GRM4: variants seen among roughly 807,000 people sequenced by gnomAD.
GRM4 encodes metabotropic glutamate receptor 4.
Under a neutral mutation model 81.7 loss-of-function variants are expected in GRM4, and 28 were observed. That is an observed-to-expected ratio of 0.34 (90% CI 0.25 to 0.47). The LOEUF (loss-of-function observed/expected upper bound fraction) is 0.47, where lower values mean the gene tolerates loss of function less well. Among genes scored for constraint, GRM4 ranks in the 20% least tolerant of loss-of-function variants. The pLI is 1.00. For synonymous variants in GRM4, 488 were observed against 528.8 expected, an observed-to-expected ratio of 0.92 and a Z score of 1.06; for missense variants, 948 against 1,290.0, an observed-to-expected ratio of 0.73 and a Z score of 4.06.
In GRM4 at chr6:34,092,812, C is replaced by G. The variant is rs1768311003; in HGVS notation, c.520-713G>C. On this transcript the variant is annotated intron_variant, in intron 2 of 10. Coordinates refer to ENST00000538487, the MANE Select transcript of GRM4 (RefSeq NM_000841.4). The surrounding 1 kb of genome is among the most constrained non-coding windows in gnomAD (Gnocchi z 6.8). Reference sequence around the variant, plus strand: ...CCGGGGCTTTCCAGTCACGGGGCATCTTCCCGCCTCCACAGGCCCCACCTG... The same window carrying G: ...CCGGGGCTTTCCAGTCACGGGGCATGTTCCCGCCTCCACAGGCCCCACCTG... Among the ~76,000 whole-genome samples the G allele has an allele frequency of 6.6e-6, 1 of 152,016 alleles. No homozygotes were observed. The highest frequency in any genetic ancestry group is 2.1e-4 in the South Asian group (1 of 4,820).
In GRM4 at chr6:34,059,089, G is replaced by A. The variant is rs375240197; in HGVS notation, c.912C>T (p.Gly304=). 1 of 1,613,694 alleles carries A rather than the reference G, an allele frequency of 6.2e-7. No individual in the cohort carries two copies. Among genetic ancestry groups the A allele is most frequent in the African/African-American group, 1.3e-5 (1 of 74,884 alleles). ...TGTCAGAGCCCATCCAGAAGAAATGGCCTGTCTGGTTGGCCCTTCGTGCTG... is the reference window on the plus strand; with the variant it reads ...TGTCAGAGCCCATCCAGAAGAAATGACCTGTCTGGTTGGCCCTTCGTGCTG... ...LEAARRANQT[G]HFFWMGSDSW... The change falls in exon 5 of 11, where the codon GGC becomes GGT. Residue 304 remains glycine (G), a synonymous_variant. Coordinates refer to ENST00000538487, the MANE Select transcript of GRM4 (RefSeq NM_000841.4). The surrounding 1 kb of genome is among the most constrained non-coding windows in gnomAD (Gnocchi z 5.7).
chr6:34,050,431 T>A (rs530396445), intron 6 of GRM4, among the ~76,000 whole-genome samples: 1 of 152,208 alleles, frequency 6.6e-6, no homozygotes, highest in East Asian at 1.9e-4. Context: ...GAGTTCTCAC[T>A]CTATTAGTTA....
In GRM4 at chr6:34,092,599, T is replaced by C. The variant is rs1768294206; in HGVS notation, c.520-500A>G. 6.6e-6 allele frequency among the ~76,000 whole-genome samples: 1 copy of C among 152,058 alleles called. No individual in the cohort carries two copies. The highest frequency in any genetic ancestry group is 6.5e-5 in the Admixed American group (1 of 15,280). On this transcript the variant is annotated intron_variant, in intron 2 of 10. Transcript: ENST00000538487. This position sits in a 1 kb window ranked among gnomAD's most constrained non-coding sequence, Gnocchi z 6.8. ...TTCCTCGTGCCCTGCTCAGAGGAGA[T>C]GGAGCCTCGATTCCAGCTCCCCTGT...
chr6:34,072,155 C>CACACCACACAGAT (rs1766933986), intron 3 of GRM4, among the ~76,000 whole-genome samples: 1 of 151,878 alleles, frequency 6.6e-6, no homozygotes, highest in South Asian at 2.1e-4. Context: ...ATACACACCA[C>CACACCACACAGAT]ACACACCCAT....
intron 9 of GRM4, among the ~76,000 whole-genome samples, chr6:34,030,057 G>C (rs1005106336): frequency 6.6e-6 from 1 of 152,250 alleles, no homozygotes; most frequent in Non-Finnish European, 1.5e-5. Context: ...TGGAGGGAAA[G>C]GTCATGACCA....
At chr6:34,101,647 G>A (rs1768844521) in intron 2 of GRM4, among the ~76,000 whole-genome samples, 1 of 152,194 alleles carries the variant, frequency 6.6e-6, no homozygotes, top group Non-Finnish European at 1.5e-5. Flanking sequence ...CTCCACTCCT[G>A]GCTGTCAAAC....
At chr6:34,026,454 C>T (rs1267111697) in intron 10 of GRM4, among the ~76,000 whole-genome samples, 1 of 152,126 alleles carries the variant, frequency 6.6e-6, no homozygotes, top group Non-Finnish European at 1.5e-5. Flanking sequence ...GATGCCAAGG[C>T]CTGCAGGGGG....
chr6:34,134,675 C>T (rs936271560), intron 1 of GRM4, among the ~76,000 whole-genome samples: 9 of 151,024 alleles, frequency 6.0e-5, no homozygotes, highest in Admixed American at 5.9e-4. Flanking sequence ...CTCCCTCCCT[C>T]CCTCCCTCCC....
In GRM4 at chr6:34,069,209, C is replaced by G. The variant is rs950289570; in HGVS notation, c.737-7181G>C. ...ACACACACACACACACACACACGCA[C>G]GCACACACGGCTCCTTCCTTCTGAC... On this transcript the variant is annotated intron_variant, in intron 3 of 10. Transcript: ENST00000538487. This position sits in a 1 kb window ranked among gnomAD's most constrained non-coding sequence, Gnocchi z 6.4. Among the ~76,000 whole-genome samples, 1 of 151,462 alleles carries G rather than the reference C, an allele frequency of 6.6e-6. No homozygotes were observed. The highest frequency in any genetic ancestry group is 1.9e-4 in the East Asian group (1 of 5,152).
At position 34,133,243 on chromosome 6, in the gene GRM4, G is replaced by A. The variant is rs1341232791; in HGVS notation, c.254C>T (p.Ala85Val). ...CGGGTCGTTGTTGATGCGATCCAGGGCGAACAGCATGGCCTCCAGCCGGTG... is the reference window on the plus strand; with the variant it reads ...CGGGTCGTTGTTGATGCGATCCAGGACGAACAGCATGGCCTCCAGCCGGTG... The part of the protein sequence containing the change: ...GIHRLEAMLF[A>V]LDRINNDPDL... The change falls in exon 2 of 11, where the codon GCC becomes GTC. Residue 85 changes from alanine to valine, a missense_variant. Coordinates refer to ENST00000538487, the MANE Select transcript of GRM4 (RefSeq NM_000841.4). This position sits in a 1 kb window ranked among gnomAD's most constrained non-coding sequence, Gnocchi z 6.5. 6.2e-7 allele frequency: 1 copy of A among 1,614,102 alleles called. No homozygotes were observed. Among genetic ancestry groups the A allele is most frequent in the Non-Finnish European group, 8.5e-7 (1 of 1,180,032 alleles).
At chr6:34,151,145 A>G (rs1771036414) in intron 1 of GRM4, among the ~76,000 whole-genome samples, 1 of 152,248 alleles carries the variant, frequency 6.6e-6, no homozygotes, top group African/African-American at 2.4e-5. Flanking sequence ...AGTAGGATTT[A>G]GAAGAGCCGA....
intron 6 of GRM4, among the ~76,000 whole-genome samples, chr6:34,053,252 G>A (rs1765698360): frequency 6.6e-6 from 1 of 152,144 alleles, no homozygotes; most frequent in African/African-American, 2.4e-5. Context: ...TCAGACCCAG[G>A]GGTGGGTCCT....
In GRM4 at chr6:34,080,343, T is replaced by A. The variant is rs976970907; in HGVS notation, c.736+11540A>T. Among the ~76,000 whole-genome samples, 23 of 152,194 alleles carry A rather than the reference T, an allele frequency of 1.5e-4. No individual in the cohort carries two copies. The highest frequency in any genetic ancestry group is 5.3e-4 in the African/African-American group (22 of 41,442). On this transcript the variant is annotated intron_variant, in intron 3 of 10. Transcript: ENST00000538487. The surrounding 1 kb of genome is among the most constrained non-coding windows in gnomAD (Gnocchi z 5.4). ...AGCAGCATCTTTCACAGCTGGTATC[T>A]CAAATTATAATTATACAGTGATGTG...
At chr6:34,056,726 C>T in intron 5 of GRM4, 42 bp from the exon 6 acceptor site, 1 of 1,590,712 alleles carries the variant, frequency 6.3e-7, no homozygotes, top group Non-Finnish European at 8.6e-7. Flanking sequence ...TGGCCTTCTT[C>T]CCCACCAGCC....
intron 6 of GRM4, among the ~76,000 whole-genome samples, chr6:34,049,863 G>T (rs1045841886): frequency 6.6e-6 from 1 of 152,022 alleles, no homozygotes; most frequent in African/African-American, 2.4e-5. Context: ...TCCCCACCTG[G>T]ATTACAGCAC....
At chr6:34,151,376 T>C (rs921567729) in intron 1 of GRM4, among the ~76,000 whole-genome samples, 2 of 152,232 alleles carry the variant, frequency 1.3e-5, no homozygotes, top group African/African-American at 4.8e-5. Flanking sequence ...TCCAGCCTCT[T>C]TGCCTCGCTG....
intron 1 of GRM4, among the ~76,000 whole-genome samples, chr6:34,153,739 A>G (rs1043250578): frequency 1.3e-5 from 2 of 152,128 alleles, no homozygotes; most frequent in Non-Finnish European, 2.9e-5. Context: ...TACAAAAGTT[A>G]GCCAGGTGTG....
intron 10 of GRM4, among the ~76,000 whole-genome samples, chr6:34,026,895 G>A (rs1764160368): frequency 6.6e-6 from 1 of 152,230 alleles, no homozygotes; most frequent in Admixed American, 6.5e-5. Flanking sequence ...GGTCTGGATG[G>A]AACAGGACCT....
chr6:34,133,366 C>A lies in GRM4; in HGVS notation c.131G>T (p.Arg44Leu). The A allele has an allele frequency of 6.2e-7, 1 of 1,613,966 alleles. No individual in the cohort carries two copies. Among genetic ancestry groups the A allele is most frequent in the Non-Finnish European group, 8.5e-7 (1 of 1,179,968 alleles). ...TCCCAGTGTGATGTCCCCATCTATG[C>A]GGATGGAATTCATGTGAGGGTGGCC... ...PKGHPHMNSI[R>L]IDGDITLGGL... is the part of the protein sequence containing the mutation. Residue 44 changes from arginine to leucine, a missense_variant, in exon 2 of 11, where the codon CGC becomes CTC. By Grantham distance (102) the Arg-to-Leu change is moderately radical. Transcript: ENST00000538487. The surrounding 1 kb of genome is among the most constrained non-coding windows in gnomAD (Gnocchi z 6.5).
Sources: allele counts gnomAD v4.1 joint callset (sites outside exome capture counted in the v4.1 genomes callset), GRCh38; gene constraint gnomAD v4.1.1; non-coding constraint Gnocchi (gnomAD v3.1); transcripts MANE v1.5; gene names NCBI Gene and HGNC (gene_info 2026-07-23, HGNC 2026-07-21).